The following MCCC1 variants were observed in gnomAD, a reference collection of about 807,000 sequenced individuals.
The protein encoded by MCCC1 is methylcrotonyl-CoA carboxylase subunit 1, also known as methylcrotonoyl-CoA carboxylase subunit alpha, mitochondrial.
A neutral mutation model predicts 83.8 loss-of-function variants in MCCC1; 64 were observed. That is an observed-to-expected ratio of 0.76 (90% CI 0.62 to 0.94). The LOEUF (loss-of-function observed/expected upper bound fraction) is 0.94. MCCC1 is among the 40% of genes least tolerant of loss of function. MCCC1 has a pLI of 0.00. For synonymous variants in MCCC1, 322 were observed against 315.4 expected (o/e 1.02, Z -0.22); for missense variants, 807 against 904.7 (o/e 0.89, Z 1.39).
rs554941944 is a variant in MCCC1, at chr3:183,041,270, A to G, written c.1267+297T>C. Among the ~76,000 whole-genome samples the G allele has an allele frequency of 1.0e-3, 155 of 152,328 alleles. 1 individual carries two copies. The highest frequency in any genetic ancestry group is 3.4e-3 in the Middle Eastern group (1 of 294). On this transcript the variant is annotated intron_variant, in intron 11 of 18. Coordinates refer to ENST00000265594, the MANE Select transcript of MCCC1 (RefSeq NM_020166.5). Reference sequence around the variant, plus strand: ...GCATAGCAGATATCAGTCATCTTAAATCATTTTTGGAATGAGGCAAGGTCA... The same window carrying G: ...GCATAGCAGATATCAGTCATCTTAAGTCATTTTTGGAATGAGGCAAGGTCA...
chr3:183,015,836 C>A (rs181737199), intron 18 of MCCC1, among the ~76,000 whole-genome samples: 17 of 151,734 alleles, frequency 1.1e-4, no homozygotes, highest in South Asian at 2.1e-4. Context: ...TGGTGTAGCT[C>A]GCAGTTCTCA....
intron 1 of MCCC1, among the ~76,000 whole-genome samples, chr3:183,106,643 C>T (rs560691761): frequency 9.9e-5 from 15 of 152,042 alleles, no homozygotes; most frequent in African/African-American, 2.7e-4. Context: ...GGATTGCAGG[C>T]GCTCCACCAT....
At chr3:183,057,599 C>T (rs1262157207) in intron 7 of MCCC1, among the ~76,000 whole-genome samples, 177 bp from the exon 8 acceptor site, 1 of 152,176 alleles carries the variant, frequency 6.6e-6, no homozygotes, top group Non-Finnish European at 1.5e-5. Flanking sequence ...GAACCACAGG[C>T]CAAATGAGAC....
intron 13 of MCCC1, among the ~76,000 whole-genome samples, chr3:183,036,444 T>C (rs972354215): frequency 1.3e-5 from 2 of 151,492 alleles, no homozygotes; most frequent in Admixed American, 1.3e-4. Flanking sequence ...CAAAACAAAG[T>C]AGGGCTATGA....
chr3:183,040,480 G>A (rs1334008946), intron 11 of MCCC1, among the ~76,000 whole-genome samples: 1 of 150,092 alleles, frequency 6.7e-6, no homozygotes, highest in Non-Finnish European at 1.5e-5. Context: ...AAAGGCCAAG[G>A]TGGGCAGATC....
At chr3:183,025,712 C>G in intron 15 of MCCC1, 43 bp downstream of exon 15, 1 of 1,565,520 alleles carries the variant, frequency 6.4e-7, no homozygotes, top group Non-Finnish European at 8.8e-7. Flanking sequence ...TAAAAGCGGT[C>G]AGATTCAGCT....
intron 1 of MCCC1, among the ~76,000 whole-genome samples, chr3:183,095,400 T>A (rs913518490): frequency 1.3e-5 from 2 of 152,112 alleles, no homozygotes; most frequent in Non-Finnish European, 2.9e-5. Context: ...AGTTTAAACA[T>A]GAGACATGTT....
chr3:183,061,335 A>C (rs1288919098), intron 7 of MCCC1, among the ~76,000 whole-genome samples: 18 of 152,176 alleles, frequency 1.2e-4, no homozygotes, highest in Admixed American at 1.1e-3. Context: ...TGAACAAAAA[A>C]GGTTCTGGCA....
At chr3:183,073,633 T>C (rs1716856203) in intron 4 of MCCC1, among the ~76,000 whole-genome samples, 1 of 152,252 alleles carries the variant, frequency 6.6e-6, no homozygotes, top group African/African-American at 2.4e-5. Context: ...CCATGCCCTG[T>C]GGCCATAAGT....
At chr3:183,021,577 A>G (rs755591566) in intron 16 of MCCC1, among the ~76,000 whole-genome samples, 7 of 152,222 alleles carry the variant, frequency 4.6e-5, no homozygotes, top group Non-Finnish European at 8.8e-5. Context: ...GCTAAAGCCC[A>G]GAGAGTTTAA....
chr3:183,089,751 A>G (rs1358768260), intron 3 of MCCC1, among the ~76,000 whole-genome samples: 1 of 152,164 alleles, frequency 6.6e-6, no homozygotes, highest in Non-Finnish European at 1.5e-5. Context: ...TAGAGTAGGA[A>G]AGAAGAGAGA....
chr3:183,075,077 C>T (rs960132376), intron 4 of MCCC1, among the ~76,000 whole-genome samples: 3 of 152,238 alleles, frequency 2.0e-5, no homozygotes, highest in South Asian at 2.1e-4. Context: ...CATAGTATTC[C>T]GTGGTGTATA....
intron 11 of MCCC1, among the ~76,000 whole-genome samples, chr3:183,040,569 A>AAAAAT (rs1713997134): frequency 6.6e-6 from 1 of 150,464 alleles, no homozygotes; most frequent in African/African-American, 2.4e-5. Context: ...AAAAAAAAAA[A>AAAAAT]AAAATTAGCT....
chr3:183,066,763 G>A (rs1716286971), intron 7 of MCCC1, among the ~76,000 whole-genome samples: 1 of 152,218 alleles, frequency 6.6e-6, no homozygotes, highest in Non-Finnish European at 1.5e-5. Flanking sequence ...GGAGTTAACT[G>A]TACAGACTAA....
At chr3:183,025,889 A>T in intron 14 of MCCC1, 85 bp from the exon 15 acceptor site, 4 of 1,181,004 alleles carry the variant, frequency 3.4e-6, no homozygotes, top group Admixed American at 3.6e-5. Context: ...CTCACTCTCA[A>T]CCTAAAGACA....
At chr3:183,022,783 C>T in intron 15 of MCCC1, 1 of 467,096 alleles carries the variant, frequency 2.1e-6, no homozygotes, top group Non-Finnish European at 3.8e-6. Flanking sequence ...AGTTATATAA[C>T]TTATCCATAG....
chr3:183,050,705 CAA>C (rs746973567), intron 9 of MCCC1, among the ~76,000 whole-genome samples: 3 of 43,646 alleles, frequency 6.9e-5, no homozygotes, highest in African/African-American at 1.3e-4. Flanking sequence ...GACTCTGTCT[CAA>C]AAAAAAAAAA....
intron 8 of MCCC1, among the ~76,000 whole-genome samples, chr3:183,056,636 A>T (rs1333861318): frequency 6.6e-6 from 1 of 152,254 alleles, no homozygotes; most frequent in East Asian, 1.9e-4. Flanking sequence ...TCCACAAAAA[A>T]TAGATTCAAT....
intron 10 of MCCC1, among the ~76,000 whole-genome samples, chr3:183,043,396 T>C (rs1024746150): frequency 6.6e-6 from 1 of 152,266 alleles, no homozygotes; most frequent in Admixed American, 6.5e-5. Flanking sequence ...TTTGGAGATA[T>C]GTGCCATTTG....
Sources: allele counts gnomAD v4.1 joint callset (sites outside exome capture counted in the v4.1 genomes callset), GRCh38; gene constraint gnomAD v4.1.1; transcripts MANE v1.5; gene names NCBI Gene and HGNC (gene_info 2026-07-23, HGNC 2026-07-21).